Variants in PDIA4 observed in about 807,000 individuals in gnomAD.
The protein encoded by PDIA4 is protein disulfide isomerase family A member 4.
A neutral mutation model predicts 62.1 loss-of-function variants in PDIA4; 33 were observed. That is an observed-to-expected ratio of 0.53 (90% CI 0.40 to 0.71). The LOEUF (loss-of-function observed/expected upper bound fraction) is 0.71, where lower values mean the gene tolerates loss of function less well. PDIA4 is among the 30% of genes least tolerant of loss of function. PDIA4 has a pLI of 0.00. For missense variants in PDIA4, 804 were observed against 813.6 expected (o/e 0.99, Z 0.14); for synonymous variants, 341 against 324.1 (o/e 1.05, Z -0.56).
At chr7:149,013,892 T>C (rs1824035741) in intron 4 of PDIA4, among the ~76,000 whole-genome samples, 1 of 152,088 alleles carries the variant, frequency 6.6e-6, no homozygotes, top group South Asian at 2.1e-4. Flanking sequence ...AACCCACCAG[T>C]TAGATGTGCA....
chr7:149,015,053 C>T lies in PDIA4; in HGVS notation c.476-11G>A, dbSNP rs745659425. Reference sequence around the variant, plus strand: ...CCTTGGCAACAATTTCTGAAAGAAACCAAGCAAGACTGAGCACACAAGGCC... The same window carrying T: ...CCTTGGCAACAATTTCTGAAAGAAATCAAGCAAGACTGAGCACACAAGGCC... On this transcript the variant is annotated splice_polypyrimidine_tract_variant and intron_variant, in intron 3 of 9. Transcript: ENST00000652332. The T allele has an allele frequency of 6.2e-7, 1 of 1,613,992 alleles. No homozygotes were observed. The highest frequency in any genetic ancestry group is 1.7e-5 in the Admixed American group (1 of 60,002).
chr7:149,011,993 A>C lies in PDIA4; in HGVS notation c.832T>G (p.Tyr278Asp), dbSNP rs1389063493. 1 of 1,593,448 alleles carries C rather than the reference A, an allele frequency of 6.3e-7. No individual in the cohort carries two copies. Among genetic ancestry groups the C allele is most frequent in the East Asian group, 2.2e-5 (1 of 44,636 alleles). The part of the protein sequence containing the change: ...GPREKYGIVD[Y>D]MIEQSGPPSK... The stretch of plus-strand genomic sequence containing the variant: ...GGAGGCCCGGACTGCTCGATCATGT[A>C]ATCAACGATTCCTGGGAGCAGGGCA... Residue 278 changes from tyrosine (Y) to aspartate (D), a missense_variant, in exon 6 of 10, where the codon TAC becomes GAC. By Grantham distance (160) the Tyr-to-Asp change is radical (BLOSUM62 -3). Coordinates refer to ENST00000652332, the MANE Select transcript of PDIA4 (RefSeq NM_004911.5).
In PDIA4 at chr7:149,003,723, C is replaced by CAG; in HGVS notation, c.*70_*71insCT. 1.7e-6 allele frequency: 2 copies of CAG among 1,210,456 alleles called. No individual in the cohort carries two copies. The highest frequency in any genetic ancestry group is 5.5e-5 in the Admixed American group (2 of 36,274). 75.0% of individuals were successfully genotyped at this position (1,210,456 alleles called of 1,614,324 possible). Reference sequence around the variant, plus strand: ...AGATACTGTCGTTTGTTGCCGGCCTCGGCGTGGACGCCCCGACCATGGGCC... The same window carrying CAG: ...AGATACTGTCGTTTGTTGCCGGCCTCAGGGCGTGGACGCCCCGACCATGGGCC... On this transcript the variant is annotated 3_prime_UTR_variant, in exon 10 of 10. Transcript: ENST00000652332.
rs201876196 is a variant in PDIA4, at chr7:149,022,403, TA to T, written c.89-1257del. On this transcript the variant is annotated intron_variant, in intron 1 of 9. Coordinates refer to ENST00000652332, the MANE Select transcript of PDIA4 (RefSeq NM_004911.5). The stretch of plus-strand genomic sequence containing the variant: ...TTTCAAGGTTCAACTTATTTTATTT[TA>T]TTTTTTTTGCCAAACCACAGATACA... 6.3e-3 allele frequency among the ~76,000 whole-genome samples: 960 copies of T among 152,306 alleles called. 6 individuals are homozygous for T. Among genetic ancestry groups the T allele is most frequent in the African/African-American group, 0.022 (921 of 41,556 alleles).
chr7:149,006,233 G>A (rs979953367), intron 7 of PDIA4, 180 bp from the exon 8 acceptor site: 7 of 563,634 alleles, frequency 1.2e-5, no homozygotes, highest in African/African-American at 2.0e-5. Context: ...CGTCTTTTGG[G>A]GCTCCTTTCC....
In PDIA4 at chr7:149,021,213, G is replaced by A. The variant is rs144322958; in HGVS notation, c.89-66C>T. 1.4e-3 allele frequency: 2,059 copies of A among 1,505,470 alleles called. 17 individuals carry two copies. In the African/African-American group the frequency reaches 0.019, roughly 14 times the overall value. 93.3% of individuals were successfully genotyped at this position (1,505,470 alleles called of 1,614,324 possible). ...GACTCTCCTTAAAACTTTCCTGGCC[G>A]GGCGCGGTGGCTCACACTTGTAATC... On this transcript the variant is annotated intron_variant, in intron 1 of 9. Transcript: ENST00000652332.
At chr7:149,024,814 T>TAAAA (rs539798193) in intron 1 of PDIA4, among the ~76,000 whole-genome samples, 2 of 89,386 alleles carry the variant, frequency 2.2e-5, no homozygotes, top group African/African-American at 5.2e-5. Context: ...GACTGTCATT[T>TAAAA]AAAAAAAAAA....
chr7:149,022,118 T>A (rs1162839470), intron 1 of PDIA4, among the ~76,000 whole-genome samples: 2 of 152,216 alleles, frequency 1.3e-5, no homozygotes, highest in East Asian at 1.9e-4. Flanking sequence ...GATGGAATAC[T>A]AATTCCATTT....
At position 149,012,302 on chromosome 7, in the gene PDIA4, T is replaced by C; in HGVS notation, c.673A>G (p.Lys225Glu). ...EYEKAAKELSKRSPPIPLAKV... is the reference protein window; with the variant it reads ...EYEKAAKELSERSPPIPLAKV... ...GCCAGGGGAATTGGAGGAGAACGCT[T>C]GCTGAGCTCCTTGGCGGCCTTCTCA... The change falls in exon 5 of 10, where the codon AAG becomes GAG. Residue 225 changes from lysine to glutamate, a missense_variant. Transcript: ENST00000652332. The C allele has an allele frequency of 6.2e-7, 1 of 1,614,074 alleles. No homozygotes were observed. Among genetic ancestry groups the C allele is most frequent in the Non-Finnish European group, 8.5e-7 (1 of 1,180,020 alleles).
chr7:149,006,223 C>G (rs547665274), intron 7 of PDIA4, 170 bp from the exon 8 acceptor site: 2 of 590,812 alleles, frequency 3.4e-6, no homozygotes, highest in Non-Finnish European at 5.5e-6. Flanking sequence ...CATTCCCTAC[C>G]GTCTTTTGGG....
chr7:149,012,517 T>C (rs1823983546), intron 4 of PDIA4, among the ~76,000 whole-genome samples, 157 bp from the exon 5 acceptor site: 1 of 152,108 alleles, frequency 6.6e-6, no homozygotes, highest in African/African-American at 2.4e-5. Context: ...TCAGGTGCTG[T>C]TGAGGGCGCT....
At position 149,019,088 on chromosome 7, in the gene PDIA4, C is replaced by T. The variant is rs781378121; in HGVS notation, c.379G>A (p.Val127Met). 2.0e-5 allele frequency: 32 copies of T among 1,613,824 alleles called. No homozygotes were observed. In the East Asian group the frequency reaches 7.1e-4, roughly 36 times the overall value. Residue 127 changes from valine (V) to methionine (M), a missense_variant, in exon 3 of 10, where the codon GTG becomes ATG. Coordinates refer to ENST00000652332, the MANE Select transcript of PDIA4 (RefSeq NM_004911.5). ...VAKIDATSAS[V>M]LASRFDVSGY... Reference sequence around the variant, plus strand: ...CTCACATCAAACCTGCTGGCCAGCACAGACGCTGAGGTTGCATCGATCTTG... The same window carrying T: ...CTCACATCAAACCTGCTGGCCAGCATAGACGCTGAGGTTGCATCGATCTTG...
chr7:149,008,015 G>A, intron 7 of PDIA4, 144 bp downstream of exon 7: 4 of 747,168 alleles, frequency 5.4e-6, no homozygotes, highest in Non-Finnish European at 2.1e-6. Context: ...AACCTGTGGG[G>A]TGGGGAGAAC....
Position 149,008,284 on chromosome 7 carries a change from A to C in PDIA4, c.1006T>G (p.Phe336Val), listed in dbSNP as rs761380759. 24 of 1,613,700 alleles carry C rather than the reference A, an allele frequency of 1.5e-5. No individual in the cohort carries two copies. Among genetic ancestry groups the C allele is most frequent in the Non-Finnish European group, 5.9e-6 (7 of 1,179,942 alleles). The change falls in exon 7 of 10, where the codon TTT becomes GTT. Residue 336 changes from phenylalanine (F) to valine (V), a missense_variant. By Grantham distance (50) the Phe-to-Val change is conservative. Transcript: ENST00000652332. ...AANNLREDYK[F>V]HHTFSTEIAK... is the part of the protein sequence containing the mutation. ...ATTTCTGTGCTGAAAGTGTGGTGAA[A>C]TTTGTAATCTTCTCTCAGGTTGTTA...
chr7:149,005,404 C>G, intron 8 of PDIA4, 30 bp from the exon 9 acceptor site: 4 of 1,480,744 alleles, frequency 2.7e-6, no homozygotes, highest in Non-Finnish European at 3.8e-6. Context: ...ATAAGCCAGG[C>G]GGCCACACAG....
intron 4 of PDIA4, 152 bp from the exon 5 acceptor site, chr7:149,012,512 T>A: frequency 1.5e-6 from 1 of 655,548 alleles, no homozygotes; most frequent in South Asian, 1.9e-5. Context: ...GGCCCTCAGG[T>A]GCTGTTGAGG....
Position 149,019,160 on chromosome 7 carries a change from T to C in PDIA4, c.307A>G (p.Lys103Glu). 6.2e-7 allele frequency: 1 copy of C among 1,614,016 alleles called. No individual in the cohort carries two copies. The highest frequency in any genetic ancestry group is 8.5e-7 in the Non-Finnish European group (1 of 1,179,970). The change falls in exon 3 of 10, where the codon AAA becomes GAA. Residue 103 changes from lysine to glutamate, a missense_variant. By Grantham distance (56) the Lys-to-Glu change is moderately conservative (BLOSUM62 1). Transcript: ENST00000652332. ...TTATCCTTTAATATGTTGGCAATTT[T>C]TTCATATTCCGGAGCAAACTGCTTG... ...HCKQFAPEYEKIANILKDKDP... is the reference protein window; with the variant it reads ...HCKQFAPEYEEIANILKDKDP...
At position 149,005,186 on chromosome 7, in the gene PDIA4, A is replaced by T. The variant is rs1304821102; in HGVS notation, c.1477T>A (p.Phe493Ile). Residue 493 changes from phenylalanine (F) to isoleucine (I), a missense_variant, in exon 9 of 10, where the codon TTT becomes ATT. Physicochemically the swap from Phe to Ile is conservative, Grantham distance 21. Coordinates refer to ENST00000652332, the MANE Select transcript of PDIA4 (RefSeq NM_004911.5). Reference protein sequence around the residue: ...GKKFAMEPEEFDSDTLREFVT... With the variant: ...GKKFAMEPEEIDSDTLREFVT... ...AACTCGCGGAGGGTGTCAGAGTCAA[A>T]CTCCTCTGGCTCCATGGCGAACTTC... 1 of 1,613,552 alleles carries T rather than the reference A, an allele frequency of 6.2e-7. No homozygotes were observed. Among genetic ancestry groups the T allele is most frequent in the Non-Finnish European group, 8.5e-7 (1 of 1,179,826 alleles).
In PDIA4 at chr7:149,019,213, G is replaced by C; in HGVS notation, c.270-16C>G. On this transcript the variant is annotated splice_polypyrimidine_tract_variant and intron_variant, in intron 2 of 9. Transcript: ENST00000652332. Reference sequence around the variant, plus strand: ...ATGTCCACACCTAACAATTAGATTAGGAAGGGCAAAAAACGTTAACTGTAC... The same window carrying C: ...ATGTCCACACCTAACAATTAGATTACGAAGGGCAAAAAACGTTAACTGTAC... 5 of 1,582,836 alleles carry C rather than the reference G, an allele frequency of 3.2e-6. No individual in the cohort carries two copies. The highest frequency in any genetic ancestry group is 4.3e-6 in the Non-Finnish European group (5 of 1,152,270).
Sources: gnomAD v4.1 joint callset for allele counts (sites outside exome capture counted in the v4.1 genomes callset) on GRCh38, gnomAD v4.1.1 for gene constraint, MANE v1.5 for transcripts, NCBI Gene and HGNC (gene_info 2026-07-23, HGNC 2026-07-21) for gene names.